The following GPHN variants were observed in gnomAD, a reference collection of about 807,000 sequenced individuals.
GPHN encodes gephyrin.
A neutral mutation model predicts 95.5 loss-of-function variants in GPHN; 17 were observed. That is an observed-to-expected ratio of 0.18 (90% CI 0.12 to 0.27). The LOEUF (loss-of-function observed/expected upper bound fraction) is 0.27. Ranked by LOEUF, GPHN falls within the 10% of genes least tolerant of loss-of-function variation. The pLI is 1.00. For missense variants in GPHN, 660 were observed against 978.1 expected (o/e 0.67, Z 4.34); for synonymous variants, 320 against 322.5 (o/e 0.99, Z 0.08).
At chr14:67,278,621 G>A in the GPHN span, among the ~76,000 whole-genome samples, 1 of 152,154 alleles carries the variant, frequency 6.6e-6, no homozygotes, top group Admixed American at 6.5e-5. Flanking sequence ...TCAATCCCAT[G>A]TTAATTGTTG....
At chr14:67,347,891 A>G in the GPHN span, among the ~76,000 whole-genome samples, 1 of 149,796 alleles carries the variant, frequency 6.7e-6, no homozygotes, top group Non-Finnish European at 1.5e-5. Context: ...ATTGGTTTCA[A>G]TTAATGAATT....
downstream of GPHN, among the ~76,000 whole-genome samples, chr14:67,186,770 A>G (rs1215487105): frequency 6.6e-6 from 1 of 152,226 alleles, no homozygotes; most frequent in Non-Finnish European, 1.5e-5. Context: ...ATCTGGTCTA[A>G]TGCAACCTAT....
chr14:66,995,366 T>C (rs962662788), intron 9 of GPHN, among the ~76,000 whole-genome samples: 1 of 152,232 alleles, frequency 6.6e-6, no homozygotes, highest in African/African-American at 2.4e-5. Context: ...GTTAAGTCTG[T>C]TGAAGAGTTG....
chr14:66,773,352 CTTTTT>C (rs542180875), intron 2 of GPHN, among the ~76,000 whole-genome samples: 3 of 121,820 alleles, frequency 2.5e-5, no homozygotes, highest in Admixed American at 8.6e-5. Context: ...TTGGGGAAAT[CTTTTT>C]TTTTTTTTTT....
In GPHN at chr14:67,144,281, A is replaced by G. The variant is rs1226608068; in HGVS notation, c.1836+832A>G. Among the ~76,000 whole-genome samples the G allele has an allele frequency of 1.1e-4, 13 of 116,170 alleles. 2 individuals carry two copies. Among genetic ancestry groups the G allele is most frequent in the African/African-American group, 4.0e-4 (12 of 30,192 alleles). 76.2% of individuals were successfully genotyped at this position (116,170 alleles called of 152,430 possible). On this transcript the variant is annotated intron_variant, in intron 18 of 22. Coordinates refer to ENST00000478722, the MANE Select transcript of GPHN (RefSeq NM_020806.5). ...TATATATATATATATATATATATATATATATACACACACACATACACAAAT... is the reference window on the plus strand; with the variant it reads ...TATATATATATATATATATATATATGTATATACACACACACATACACAAAT...
At chr14:66,977,954 C>G (rs1353355672) in intron 9 of GPHN, among the ~76,000 whole-genome samples, 4 of 152,176 alleles carry the variant, frequency 2.6e-5, no homozygotes, top group South Asian at 4.1e-4. Context: ...AGTTGCAGAC[C>G]ACTGCAATAA....
intron 11 of GPHN, among the ~76,000 whole-genome samples, chr14:67,085,871 T>G (rs1388312551): frequency 6.6e-6 from 1 of 152,182 alleles, no homozygotes; most frequent in Non-Finnish European, 1.5e-5. Context: ...CTTCTTTCCC[T>G]CCTCATCCCA....
the GPHN span, among the ~76,000 whole-genome samples, chr14:67,673,118 G>A: frequency 2.0e-5 from 3 of 152,260 alleles, no homozygotes; most frequent in South Asian, 6.2e-4. Context: ...CAAAGAAGGC[G>A]GATCACTTGA....
chr14:67,406,626 C>T, the GPHN span, among the ~76,000 whole-genome samples: 18 of 152,314 alleles, frequency 1.2e-4, no homozygotes, highest in South Asian at 4.1e-4. Context: ...AGCAAGCTTA[C>T]GTTCTCATGT....
At chr14:66,868,911 C>A (rs1178643074) in intron 4 of GPHN, among the ~76,000 whole-genome samples, 1 of 152,008 alleles carries the variant, frequency 6.6e-6, no homozygotes, top group Non-Finnish European at 1.5e-5. Flanking sequence ...AGGAAAAGAT[C>A]ACAATTATGT....
chr14:66,925,317 A>G (rs552701430), intron 8 of GPHN, among the ~76,000 whole-genome samples: 25 of 152,296 alleles, frequency 1.6e-4, no homozygotes, highest in Non-Finnish European at 2.9e-4. Flanking sequence ...AAAATGTACA[A>G]CAAATTATTG....
intron 2 of GPHN, among the ~76,000 whole-genome samples, chr14:66,699,801 T>C (rs1277245979): frequency 6.6e-6 from 1 of 152,216 alleles, no homozygotes; most frequent in Non-Finnish European, 1.5e-5. Flanking sequence ...AGAAGTAAAC[T>C]ATGGCTGTGT....
chr14:67,237,020 G>A, the GPHN span, among the ~76,000 whole-genome samples: 1 of 152,036 alleles, frequency 6.6e-6, no homozygotes, highest in South Asian at 2.1e-4. Flanking sequence ...AACCCGGGAG[G>A]CGGAGGTTGC....
At chr14:67,641,789 T>TA in the GPHN span, among the ~76,000 whole-genome samples, 6 of 152,012 alleles carry the variant, frequency 3.9e-5, no homozygotes, top group Admixed American at 3.9e-4. Flanking sequence ...AAAGAAAGTT[T>TA]AAAAAAATGA....
chr14:67,410,064 G>C, the GPHN span, among the ~76,000 whole-genome samples: 22 of 152,032 alleles, frequency 1.4e-4, no homozygotes, highest in Non-Finnish European at 2.8e-4. Flanking sequence ...TCTTTTCCAA[G>C]GGCTTACGGG....
intron 10 of GPHN, among the ~76,000 whole-genome samples, chr14:67,052,577 CA>C (rs201077071): frequency 7.5e-6 from 1 of 133,724 alleles, no homozygotes; most frequent in African/African-American, 3.7e-5. Flanking sequence ...GACCCAAACT[CA>C]ACTCTGGATC....
chr14:67,645,334 A>G, the GPHN span, among the ~76,000 whole-genome samples: 1 of 152,236 alleles, frequency 6.6e-6, no homozygotes, highest in South Asian at 2.1e-4. Context: ...TCATTCATTG[A>G]ACAAATATTT....
chr14:67,169,893 GT>G (rs1251549963), intron 21 of GPHN, among the ~76,000 whole-genome samples: 1 of 152,058 alleles, frequency 6.6e-6, no homozygotes, highest in Non-Finnish European at 1.5e-5. Flanking sequence ...CCTGGCCAAC[GT>G]GGTGAAACCC....
Position 66,508,189 on chromosome 14 carries a change from G to A in GPHN, c.-339G>A, listed in dbSNP as rs1438837338. ...GCCATCTAGCTGCCTTGGGTCTCGC[G>A]CTCCGCAGAGCGTTCCGACACTCTC... is the stretch of plus-strand genomic sequence containing the variant. On this transcript the variant is annotated 5_prime_UTR_variant, in exon 1 of 23. Coordinates refer to ENST00000478722, the MANE Select transcript of GPHN (RefSeq NM_020806.5). 1.2e-5 allele frequency: 6 copies of A among 489,772 alleles called. No individual in the cohort carries two copies. Among genetic ancestry groups the A allele is most frequent in the Non-Finnish European group, 2.2e-5 (6 of 267,288 alleles). The allele number at this position is 489,772 out of a possible 1,614,324, so 30.3% of individuals were successfully genotyped here.
Sources: gnomAD v4.1 joint callset for allele counts (sites outside exome capture counted in the v4.1 genomes callset) on GRCh38, gnomAD v4.1.1 for gene constraint, MANE v1.5 for transcripts, NCBI Gene and HGNC (gene_info 2026-07-23, HGNC 2026-07-21) for gene names.